The following EEA1 variants were observed in gnomAD, a reference collection of about 807,000 sequenced individuals.
The protein encoded by EEA1 is early endosome antigen 1, 162kD.
A neutral mutation model predicts 209.2 loss-of-function variants in EEA1; 111 were observed. That is an observed-to-expected ratio of 0.53 (90% CI 0.45 to 0.62). EEA1 has a LOEUF of 0.62. Ranked by LOEUF, EEA1 falls within the 20% of genes least tolerant of loss-of-function variation. The pLI, the probability that EEA1 is intolerant of heterozygous loss-of-function variation, is 0.00. For missense variants in EEA1, 1,343 were observed against 1,530.8 expected (o/e 0.88, Z 2.05); for synonymous variants, 536 against 540.6 (o/e 0.99, Z 0.12).
chr12:92,790,406 T>G (rs1874347193), intron 21 of EEA1, among the ~76,000 whole-genome samples: 1 of 152,148 alleles, frequency 6.6e-6, no homozygotes. Context: ...TTTCAACCTT[T>G]TTGAATGATG....
chr12:92,846,770 T>A (rs1381197096), intron 9 of EEA1, among the ~76,000 whole-genome samples: 1 of 152,196 alleles, frequency 6.6e-6, no homozygotes, highest in Non-Finnish European at 1.5e-5. Context: ...TCATAAGGTA[T>A]GCATTCAATG....
intron 3 of EEA1, chr12:92,858,347 C>A: frequency 1.2e-6 from 1 of 835,952 alleles, no homozygotes; most frequent in Non-Finnish European, 2.1e-6. Flanking sequence ...CTATTAAACA[C>A]ATTGGATATG....
At chr12:92,894,816 G>C (rs1417840855) in intron 1 of EEA1, among the ~76,000 whole-genome samples, 1 of 140,934 alleles carries the variant, frequency 7.1e-6, no homozygotes, top group Non-Finnish European at 1.6e-5. Context: ...AATTGATGAA[G>C]ATATCTATAT....
Position 92,778,171 on chromosome 12 carries a change from T to A in EEA1, c.3663A>T (p.Glu1221Asp). Residue 1221 changes from glutamate (E) to aspartate (D), a missense_variant, in exon 26 of 29, where the codon GAA becomes GAT. Glu to Asp is a conservative substitution (Grantham distance 45). Around this residue, in one of 3 missense-constraint regions of EEA1, gnomAD observed 1,307 missense variants for 1,465.5 expected, o/e 0.89. Transcript: ENST00000322349. ...FIEKEAKLHS[E>D]IKEKEVGMKK... ...TCATTCCTACTTCCTTTTCTTTTAT[T>A]TCGGAATGCTGAAAAAAAGGAAAAG... 6.2e-7 allele frequency: 1 copy of A among 1,609,102 alleles called. No homozygotes were observed. Among genetic ancestry groups the A allele is most frequent in the Non-Finnish European group, 8.5e-7 (1 of 1,177,806 alleles).
chr12:92,886,230 G>A (rs1399685457), intron 2 of EEA1, among the ~76,000 whole-genome samples: 2 of 149,156 alleles, frequency 1.3e-5, no homozygotes, highest in African/African-American at 2.5e-5. Context: ...AGCTGGACAT[G>A]GTGGCACATG....
chr12:92,879,039 T>C (rs527877385), intron 2 of EEA1, among the ~76,000 whole-genome samples: 1 of 152,258 alleles, frequency 6.6e-6, no homozygotes, highest in African/African-American at 2.4e-5. Flanking sequence ...AAAACCCAGA[T>C]ACCAAAACCT....
At chr12:92,927,543 A>AT (rs990635210) in intron 1 of EEA1, among the ~76,000 whole-genome samples, 1 of 152,226 alleles carries the variant, frequency 6.6e-6, no homozygotes, top group Non-Finnish European at 1.5e-5. Context: ...AAACCAATCT[A>AT]TAACTACAGC....
chr12:92,906,467 C>A (rs1251177383), intron 1 of EEA1, among the ~76,000 whole-genome samples: 1 of 152,096 alleles, frequency 6.6e-6, no homozygotes, highest in Non-Finnish European at 1.5e-5. Flanking sequence ...AAATAATATA[C>A]AACTCAAAAC....
intron 19 of EEA1, 72 bp from the exon 20 acceptor site, chr12:92,801,773 TAGTA>T (rs1874926028): frequency 9.7e-7 from 1 of 1,030,942 alleles, no homozygotes; most frequent in African/African-American, 1.7e-5. Context: ...TTTATAACCT[TAGTA>T]AGATACACAC....
intron 1 of EEA1, among the ~76,000 whole-genome samples, chr12:92,897,153 C>T (rs1375532924): frequency 6.6e-6 from 1 of 152,142 alleles, no homozygotes; most frequent in Non-Finnish European, 1.5e-5. Context: ...AAAGGAAAAC[C>T]CTAACTTTCC....
chr12:92,827,771 T>C (rs931289571), intron 12 of EEA1, 141 bp downstream of exon 12: 14 of 812,134 alleles, frequency 1.7e-5, no homozygotes, highest in Non-Finnish European at 2.3e-5. Context: ...ATGTAGTTAA[T>C]AAGCAAGATG....
intron 19 of EEA1, 66 bp downstream of exon 19, chr12:92,802,338 G>T: frequency 7.1e-7 from 1 of 1,406,282 alleles, no homozygotes; most frequent in Non-Finnish European, 9.6e-7. Context: ...GAATTAAGCA[G>T]AAAAATCAGT....
At chr12:92,792,740 C>G (rs1263055894) in intron 21 of EEA1, among the ~76,000 whole-genome samples, 2 of 152,104 alleles carry the variant, frequency 1.3e-5, no homozygotes, top group African/African-American at 4.8e-5. Flanking sequence ...GAAACTATTC[C>G]AATCAACAGA....
intron 2 of EEA1, among the ~76,000 whole-genome samples, chr12:92,867,607 T>G (rs1455105350): frequency 6.6e-6 from 1 of 152,160 alleles, no homozygotes; most frequent in Non-Finnish European, 1.5e-5. Context: ...CCAAAAAATG[T>G]ACATCCTCAT....
intron 9 of EEA1, among the ~76,000 whole-genome samples, chr12:92,845,485 C>T (rs904260969): frequency 1.3e-5 from 2 of 150,258 alleles, no homozygotes; most frequent in Non-Finnish European, 2.9e-5. Context: ...TCATACTGAC[C>T]TTCTTCTCTA....
intron 5 of EEA1, among the ~76,000 whole-genome samples, chr12:92,854,721 G>C (rs1212393280): frequency 6.6e-6 from 1 of 152,116 alleles, no homozygotes. Context: ...ATCTCCTCTA[G>C]CAGCAGGAGA....
Position 92,842,384 on chromosome 12 carries a change from T to C in EEA1, c.915+81A>G, listed in dbSNP as rs201351374. 135 of 732,440 alleles carry C rather than the reference T, an allele frequency of 1.8e-4. No homozygotes were observed. In the East Asian group the frequency reaches 3.7e-3, roughly 20 times the overall value. 45.4% of individuals were successfully genotyped at this position (732,440 alleles called of 1,614,324 possible). ...AATAAGTCACATTGTACTATGCCAA[T>C]ATATTTTTTAAAGTATGTAAGATTA... On this transcript the variant is annotated intron_variant, in intron 10 of 28. Transcript: ENST00000322349.
intron 1 of EEA1, among the ~76,000 whole-genome samples, chr12:92,925,664 T>C (rs1408165968): frequency 3.3e-5 from 5 of 152,206 alleles, no homozygotes; most frequent in Admixed American, 2.0e-4. Flanking sequence ...AATACATACA[T>C]ATTGGAGCTA....
chr12:92,903,041 T>C (rs1178844655), intron 1 of EEA1, among the ~76,000 whole-genome samples: 2 of 150,972 alleles, frequency 1.3e-5, no homozygotes, highest in African/African-American at 2.4e-5. Context: ...TTCACACCAT[T>C]CTCCTGCCTC....
Sources: gnomAD v4.1 joint callset for allele counts (sites outside exome capture counted in the v4.1 genomes callset) on GRCh38, gnomAD v4.1.1 for gene constraint, gnomAD v4.1.1 regional missense constraint, MANE v1.5 for transcripts, NCBI Gene and HGNC (gene_info 2026-07-23, HGNC 2026-07-21) for gene names.